The following SLC23A2 variants were observed in gnomAD, a reference collection of about 807,000 sequenced individuals.
The protein encoded by SLC23A2 is solute carrier family 23 member 2.
A neutral mutation model predicts 73.3 loss-of-function variants in SLC23A2; 36 were observed. The ratio of observed to expected loss-of-function variants is 0.49; its 90% confidence interval spans 0.38 to 0.65. The LOEUF is 0.65. Ranked by LOEUF, SLC23A2 falls within the 30% of genes least tolerant of loss-of-function variation. SLC23A2 has a pLI of 0.00. For synonymous variants in SLC23A2, 343 were observed against 327.3 expected, an observed-to-expected ratio of 1.05 and a Z score of -0.52; for missense variants, 507 against 841.6, an observed-to-expected ratio of 0.60 and a Z score of 4.92.
At chr20:5,008,109 C>G (rs2088210578) in intron 1 of SLC23A2, among the ~76,000 whole-genome samples, 1 of 152,054 alleles carries the variant, frequency 6.6e-6, no homozygotes, top group Non-Finnish European at 1.5e-5. Context: ...GGGGTTTCAC[C>G]ATGTGGGTCA....
intron 9 of SLC23A2, among the ~76,000 whole-genome samples, chr20:4,876,089 G>A (rs1326193667): frequency 6.6e-6 from 1 of 152,142 alleles, no homozygotes; most frequent in African/African-American, 2.4e-5. Flanking sequence ...CAGTGCCCAC[G>A]TTATTTCAAT....
chr20:4,876,889 G>C (rs1930678208), intron 9 of SLC23A2, among the ~76,000 whole-genome samples: 1 of 152,134 alleles, frequency 6.6e-6, no homozygotes, highest in Non-Finnish European at 1.5e-5. Context: ...TATTATCTAA[G>C]CCAAACTGGA....
chr20:4,957,428 T>G (rs1326555908), intron 2 of SLC23A2, among the ~76,000 whole-genome samples: 1 of 151,704 alleles, frequency 6.6e-6, no homozygotes, highest in Non-Finnish European at 1.5e-5. Flanking sequence ...GACACTGCAC[T>G]CAAGCCTGGA....
At chr20:4,930,740 A>T (rs1008604147) in intron 3 of SLC23A2, among the ~76,000 whole-genome samples, 1 of 152,042 alleles carries the variant, frequency 6.6e-6, no homozygotes, top group African/African-American at 2.4e-5. Context: ...AATCGCTTGA[A>T]CTTGGGAGGC....
intron 1 of SLC23A2, among the ~76,000 whole-genome samples, chr20:5,000,741 C>A (rs1018005836): frequency 2.6e-5 from 4 of 152,130 alleles, no homozygotes; most frequent in African/African-American, 9.7e-5. Context: ...GAAAATCCTG[C>A]GCCTTAAAGT....
chr20:4,991,716 C>T (rs1047596202), intron 1 of SLC23A2, among the ~76,000 whole-genome samples: 11 of 99,980 alleles, frequency 1.1e-4, no homozygotes, highest in African/African-American at 3.3e-4. Flanking sequence ...AGAGAGACTC[C>T]GTTTCACACA....
At chr20:4,965,604 T>G (rs1311397674) in intron 2 of SLC23A2, among the ~76,000 whole-genome samples, 1 of 151,876 alleles carries the variant, frequency 6.6e-6, no homozygotes, top group Non-Finnish European at 1.5e-5. Flanking sequence ...AAACCCCGTC[T>G]CTACAAAAAA....
intron 2 of SLC23A2, among the ~76,000 whole-genome samples, chr20:4,959,845 A>T (rs947952713): frequency 6.6e-6 from 1 of 152,160 alleles, no homozygotes; most frequent in Non-Finnish European, 1.5e-5. Context: ...TTACAGTGGC[A>T]GGCTCATAGC....
intron 13 of SLC23A2, 145 bp downstream of exon 13, chr20:4,867,625 T>TAAAAAA (rs11476144): frequency 4.1e-5 from 12 of 296,184 alleles, no homozygotes; most frequent in Admixed American, 1.4e-4. Flanking sequence ...TATAAACACT[T>TAAAAAA]AAAAAAAAAA....
intron 13 of SLC23A2, among the ~76,000 whole-genome samples, chr20:4,864,088 T>C (rs1042852879): frequency 6.6e-6 from 1 of 152,174 alleles, no homozygotes; most frequent in African/African-American, 2.4e-5. Flanking sequence ...GGGCCCCTAC[T>C]CTGTGCTGCC....
At chr20:4,985,389 G>A (rs1401330189) in intron 1 of SLC23A2, among the ~76,000 whole-genome samples, 2 of 151,894 alleles carry the variant, frequency 1.3e-5, no homozygotes, top group Admixed American at 6.6e-5. Context: ...GACACATGCT[G>A]TAACATGCAT....
intron 1 of SLC23A2, among the ~76,000 whole-genome samples, chr20:4,973,540 C>T (rs35653337): frequency 0.012 from 1,851 of 152,242 alleles, 32 homozygotes; most frequent in East Asian, 0.05. Context: ...TGGGAACATG[C>T]AAATACATTT....
intron 2 of SLC23A2, among the ~76,000 whole-genome samples, chr20:4,943,571 A>G (rs958009208): frequency 9.9e-5 from 15 of 151,218 alleles, no homozygotes; most frequent in African/African-American, 3.6e-4. Context: ...GTTATTTAGG[A>G]GACTGAGGTG....
chr20:4,864,452 T>G (rs1930113669), intron 13 of SLC23A2, among the ~76,000 whole-genome samples: 1 of 151,742 alleles, frequency 6.6e-6, no homozygotes, highest in African/African-American at 2.4e-5. Flanking sequence ...GTCCCTAGCC[T>G]GCCCCACACC....
intron 2 of SLC23A2, among the ~76,000 whole-genome samples, chr20:4,943,575 T>C (rs1373872747): frequency 2.0e-5 from 3 of 148,586 alleles, no homozygotes; most frequent in African/African-American, 7.4e-5. Flanking sequence ...TTTAGGAGAC[T>C]GAGGTGGGAG....
intron 3 of SLC23A2, among the ~76,000 whole-genome samples, chr20:4,921,342 A>C (rs963695225): frequency 2.0e-5 from 3 of 152,206 alleles, no homozygotes; most frequent in Non-Finnish European, 2.9e-5. Context: ...CTGTAATCTC[A>C]GCACTTTGGG....
At chr20:5,002,835 C>T (rs960962514), upstream of SLC23A2, among the ~76,000 whole-genome samples, 2 of 152,126 alleles carry the variant, frequency 1.3e-5, no homozygotes, top group African/African-American at 4.8e-5. Context: ...TCAAGGGATC[C>T]CCCAACCTTG....
Position 4,862,109 on chromosome 20 carries a change from C to T in SLC23A2, c.1487-24G>A, listed in dbSNP as rs1398713870. 3 of 1,613,120 alleles carry T rather than the reference C, an allele frequency of 1.9e-6. No homozygotes were observed. The highest frequency in any genetic ancestry group is 1.1e-5 in the South Asian group (1 of 90,928). On this transcript the variant is annotated intron_variant, in intron 14 of 16. Coordinates refer to ENST00000338244, the MANE Select transcript of SLC23A2 (RefSeq NM_005116.6). This position sits in a 1 kb window ranked among gnomAD's most constrained non-coding sequence, Gnocchi z 5.1. ...TCCTGGAGAAAAACAAACCAGACCA[C>T]AAGCTCCAGCACCACTACAGCGGGG... is the stretch of plus-strand genomic sequence containing the variant.
At chr20:4,886,098 C>A (rs939947693) in intron 6 of SLC23A2, 189 bp from the exon 7 acceptor site, 7 of 519,308 alleles carry the variant, frequency 1.3e-5, no homozygotes, top group African/African-American at 9.8e-5. Flanking sequence ...GCTTCTTCAT[C>A]CTCCCCATTG....
Sources: allele counts gnomAD v4.1 joint callset (sites outside exome capture counted in the v4.1 genomes callset), GRCh38; gene constraint gnomAD v4.1.1; non-coding constraint Gnocchi (gnomAD v3.1); transcripts MANE v1.5; gene names NCBI Gene and HGNC (gene_info 2026-07-23, HGNC 2026-07-21).